Variants in CALN1 observed in about 807,000 individuals in gnomAD.
CALN1 encodes calneuron 1.
CALN1 carries 17 observed loss-of-function variants against 30.6 expected under a neutral mutation model. The ratio of observed to expected loss-of-function variants is 0.56; its 90% CI spans 0.38 to 0.83. The LOEUF is 0.83. Among genes scored for constraint, CALN1 ranks in the 40% least tolerant of loss-of-function variants. The pLI, the probability that CALN1 is intolerant of heterozygous loss-of-function variation, is 0.00. For synonymous variants in CALN1, 156 were observed against 131.4 expected (o/e 1.19, Z -1.28); for missense variants, 291 against 354.9 (o/e 0.82, Z 1.45).
At chr7:72,266,145 A>T (rs1018189358) in intron 3 of CALN1, among the ~76,000 whole-genome samples, 5 of 151,994 alleles carry the variant, frequency 3.3e-5, no homozygotes, top group African/African-American at 1.2e-4. Flanking sequence ...GGAAGAAAAA[A>T]AAAAACTAAA....
intron 4 of CALN1, among the ~76,000 whole-genome samples, chr7:72,047,095 G>A (rs1203502183): frequency 6.6e-6 from 1 of 152,004 alleles, no homozygotes; most frequent in Non-Finnish European, 1.5e-5. Context: ...GAAAACTAGT[G>A]GGGAAACGTA....
chr7:72,405,803 A>C (rs1048876968), intron 1 of CALN1, among the ~76,000 whole-genome samples: 1 of 152,220 alleles, frequency 6.6e-6, no homozygotes. Context: ...GATTGGTGGT[A>C]AATGCATATT....
At chr7:72,233,294 A>G (rs1193492955) in intron 3 of CALN1, among the ~76,000 whole-genome samples, 2 of 152,020 alleles carry the variant, frequency 1.3e-5, no homozygotes, top group Non-Finnish European at 2.9e-5. Flanking sequence ...AAGCAACCCC[A>G]AGGACAGAAT....
intron 5 of CALN1, among the ~76,000 whole-genome samples, chr7:71,862,032 CAACT>C (rs1051785429): frequency 4.6e-5 from 7 of 152,170 alleles, no homozygotes; most frequent in Admixed American, 6.6e-5. Context: ...CAAAGGTTAG[CAACT>C]AACTAACTTT....
At chr7:72,026,432 A>G (rs1801059075) in intron 4 of CALN1, among the ~76,000 whole-genome samples, 1 of 152,040 alleles carries the variant, frequency 6.6e-6, no homozygotes, top group Non-Finnish European at 1.5e-5. Context: ...CAAAAAATAC[A>G]ATAATTAGCT....
At chr7:71,836,108 C>T (rs948722858) in intron 5 of CALN1, among the ~76,000 whole-genome samples, 1 of 152,146 alleles carries the variant, frequency 6.6e-6, no homozygotes, top group Non-Finnish European at 1.5e-5. Context: ...AGAATGAATA[C>T]ATGAGACAGA....
chr7:71,817,918 C>A (rs182268169), intron 5 of CALN1, among the ~76,000 whole-genome samples: 1 of 151,782 alleles, frequency 6.6e-6, no homozygotes, highest in Non-Finnish European at 1.5e-5. Context: ...CCATGAGTAG[C>A]ATATTGAAGT....
At chr7:71,972,263 G>C (rs1307410675) in intron 5 of CALN1, among the ~76,000 whole-genome samples, 2 of 152,148 alleles carry the variant, frequency 1.3e-5, no homozygotes, top group African/African-American at 4.8e-5. Flanking sequence ...CACCCCACAG[G>C]ATTTTTCAAT....
chr7:71,965,174 CAT>C (rs1797470324), intron 5 of CALN1, among the ~76,000 whole-genome samples: 1 of 151,972 alleles, frequency 6.6e-6, no homozygotes, highest in Non-Finnish European at 1.5e-5. Context: ...AACACAGGCA[CAT>C]GTCACCCCAC....
chr7:72,236,015 G>A (rs998802723), intron 3 of CALN1, among the ~76,000 whole-genome samples: 5 of 150,226 alleles, frequency 3.3e-5, no homozygotes, highest in Admixed American at 1.3e-4. Context: ...AGGCAGAGGA[G>A]GGAGGATAGT....
chr7:72,289,157 G>A (rs1269851249), intron 2 of CALN1, among the ~76,000 whole-genome samples: 1 of 152,146 alleles, frequency 6.6e-6, no homozygotes, highest in Non-Finnish European at 1.5e-5. Context: ...TATACTTGCT[G>A]TTCACCTATT....
At chr7:72,207,891 A>T (rs1369974068) in intron 3 of CALN1, among the ~76,000 whole-genome samples, 2 of 152,230 alleles carry the variant, frequency 1.3e-5, no homozygotes, top group East Asian at 3.8e-4. Context: ...AAAAATCTAT[A>T]CAAATTTATC....
At chr7:72,061,796 C>CAAAA (rs1161510912) in intron 4 of CALN1, among the ~76,000 whole-genome samples, 13 of 85,116 alleles carry the variant, frequency 1.5e-4, no homozygotes, top group Non-Finnish European at 2.2e-4. Context: ...GACTCTGTCT[C>CAAAA]AAAAAAAAAA....
rs1462093133 is a variant in CALN1 at position 72,343,647 on chromosome 7, G to A, written c.119+59604C>T. 7.9e-5 allele frequency among the ~76,000 whole-genome samples: 12 copies of A among 152,252 alleles called. No homozygotes were observed. The East Asian group carries it at 2.1e-3, about 27-fold the overall frequency. Reference sequence around the variant, plus strand: ...AGTGGAAAAACAGAAAATGCCAGCTGGATTTTTCCAGATGCCTATGAGAAA... The same window carrying A: ...AGTGGAAAAACAGAAAATGCCAGCTAGATTTTTCCAGATGCCTATGAGAAA... On this transcript the variant is annotated intron_variant, in intron 2 of 6. Transcript: ENST00000395275.
At chr7:72,237,981 A>T (rs1449629945) in intron 3 of CALN1, among the ~76,000 whole-genome samples, 4 of 152,216 alleles carry the variant, frequency 2.6e-5, no homozygotes, top group African/African-American at 9.6e-5. Context: ...GTATAAATCT[A>T]GCATCTTGAA....
chr7:72,175,028 A>C (rs960348953), intron 3 of CALN1, among the ~76,000 whole-genome samples: 2 of 151,332 alleles, frequency 1.3e-5, no homozygotes, highest in Admixed American at 6.6e-5. Context: ...AAATTGCACA[A>C]TTTAAATATG....
intron 5 of CALN1, among the ~76,000 whole-genome samples, chr7:71,880,090 T>C (rs187995915): frequency 3.3e-5 from 5 of 152,206 alleles, no homozygotes; most frequent in African/African-American, 9.6e-5. Flanking sequence ...TGAGCTACGA[T>C]TGTGCCACTA....
the CALN1 span, among the ~76,000 whole-genome samples, chr7:72,489,556 C>CA: frequency 0.6 from 90,506 of 151,910 alleles, 27,882 homozygotes; most frequent in African/African-American, 0.77. Flanking sequence ...CCGCAGAACT[C>CA]ATGTTGTTTC....
chr7:72,367,898 C>T (rs1393139389), intron 2 of CALN1, among the ~76,000 whole-genome samples: 1 of 151,936 alleles, frequency 6.6e-6, no homozygotes, highest in Non-Finnish European at 1.5e-5. Context: ...CTTTGGGAGG[C>T]CGAGGCGGAT....
Sources: gnomAD v4.1 joint callset for allele counts (sites outside exome capture counted in the v4.1 genomes callset) on GRCh38, gnomAD v4.1.1 for gene constraint, MANE v1.5 for transcripts, NCBI Gene and HGNC (gene_info 2026-07-23, HGNC 2026-07-21) for gene names.